Variants in PDE3B observed in about 807,000 individuals in gnomAD.
PDE3B encodes cGMP-inhibited 3',5'-cyclic phosphodiesterase 3B.
Under a neutral mutation model 116.8 loss-of-function variants are expected in PDE3B, and 66 were observed. The observed-to-expected ratio is 0.56, with a 90% CI of 0.46 to 0.69. PDE3B has a LOEUF of 0.69. Ranked by LOEUF, PDE3B falls within the 30% of genes least tolerant of loss-of-function variation. The pLI, the probability that PDE3B is intolerant of heterozygous loss-of-function variation, is 0.00. For missense variants in PDE3B, 1,384 were observed against 1,368.1 expected, an observed-to-expected ratio of 1.01 and a Z score of -0.18; for synonymous variants, 595 against 533.6, an observed-to-expected ratio of 1.12 and a Z score of -1.59.
At chr11:14,892,160 C>A in the PDE3B span, 1 of 1,610,730 alleles carries the variant, frequency 6.2e-7, no homozygotes, top group Non-Finnish European at 8.5e-7. Context: ...AAGAGCGCGC[C>A]GCCGAGCGCC....
At chr11:14,837,559 C>T (rs1299032443) in intron 11 of PDE3B, among the ~76,000 whole-genome samples, 1 of 152,186 alleles carries the variant, frequency 6.6e-6, no homozygotes, top group Non-Finnish European at 1.5e-5. Context: ...ACATGTTTCT[C>T]ATTTCCTTCT....
intron 1 of PDE3B, among the ~76,000 whole-genome samples, chr11:14,706,610 T>C (rs1363931193): frequency 6.6e-6 from 1 of 151,982 alleles, no homozygotes; most frequent in African/African-American, 2.4e-5. Context: ...TATTTTAATA[T>C]ATGTGTTACT....
chr11:14,892,378 G>T, the PDE3B span: 1 of 652,470 alleles, frequency 1.5e-6, no homozygotes, highest in South Asian at 1.9e-5. Context: ...CTAGTTTTGC[G>T]CGGCTGAGAG....
chr11:14,672,440 T>TC (rs1413699198), intron 1 of PDE3B, among the ~76,000 whole-genome samples: 1 of 152,054 alleles, frequency 6.6e-6, no homozygotes, highest in Non-Finnish European at 1.5e-5. Context: ...GAAGGGAAAA[T>TC]CACAATGTTT....
At chr11:14,726,400 T>A (rs1338380181) in intron 1 of PDE3B, among the ~76,000 whole-genome samples, 1 of 151,014 alleles carries the variant, frequency 6.6e-6, no homozygotes, top group Non-Finnish European at 1.5e-5. Flanking sequence ...TCCATAAACA[T>A]TTTTTTTTAG....
Position 14,644,663 on chromosome 11 carries a change from G to C in PDE3B, c.588G>C (p.Arg196Ser), listed in dbSNP as rs1278017955. 4 of 1,498,540 alleles carry C rather than the reference G, an allele frequency of 2.7e-6. No homozygotes were observed. In the East Asian group the frequency reaches 7.3e-5, roughly 27 times the overall value. The allele number at this position is 1,498,540 out of a possible 1,614,324, so 92.8% of individuals were successfully genotyped here. ...PHTPPEAAAG[R>S]LLLVLSCVGL... ...CGCCCCCGGAGGCGGCAGCGGGCAG[G>C]TTGCTGCTGGTGCTGAGCTGCGTAG... Residue 196 changes from arginine to serine, a missense_variant, in exon 1 of 16, where the codon AGG (arginine) becomes AGC (serine). By Grantham distance (110) the Arg-to-Ser change is moderately radical. Transcript: ENST00000282096.
chr11:14,705,316 A>G (rs1855496372), intron 1 of PDE3B, among the ~76,000 whole-genome samples: 1 of 151,852 alleles, frequency 6.6e-6, no homozygotes, highest in Non-Finnish European at 1.5e-5. Flanking sequence ...GTAGAAGGGA[A>G]TGAACTATGA....
chr11:14,721,710 T>C (rs1202077477), intron 1 of PDE3B, among the ~76,000 whole-genome samples: 1 of 78,944 alleles, frequency 1.3e-5, no homozygotes, highest in African/African-American at 5.5e-5. Context: ...CACTCATAGG[T>C]GGGAATTGAA....
intron 11 of PDE3B, among the ~76,000 whole-genome samples, chr11:14,835,398 A>G (rs533080577): frequency 6.6e-6 from 1 of 152,200 alleles, no homozygotes; most frequent in Admixed American, 6.5e-5. Context: ...TGAGGTAGCC[A>G]CTATCCCGAA....
chr11:14,687,104 G>A (rs1854901583), intron 1 of PDE3B, among the ~76,000 whole-genome samples: 3 of 152,080 alleles, frequency 2.0e-5, no homozygotes, highest in African/African-American at 7.2e-5. Flanking sequence ...TAAACTTGAC[G>A]AAAATGCCTT....
chr11:14,668,078 C>G (rs1043437133), intron 1 of PDE3B, among the ~76,000 whole-genome samples: 10 of 151,174 alleles, frequency 6.6e-5, no homozygotes, highest in Admixed American at 2.0e-4. Flanking sequence ...TCAGGGGGCT[C>G]AAGAGTTTAA....
At chr11:14,867,895 G>A in intron 15 of PDE3B, 137 bp downstream of exon 15, 1 of 664,564 alleles carries the variant, frequency 1.5e-6, no homozygotes, top group South Asian at 2.1e-5. Context: ...ATATTCATTG[G>A]GACACTTGGA....
At chr11:14,734,946 A>G (rs1006399886) in intron 1 of PDE3B, among the ~76,000 whole-genome samples, 2 of 152,168 alleles carry the variant, frequency 1.3e-5, no homozygotes, top group African/African-American at 2.4e-5. Context: ...TATCTTTTAT[A>G]GCTTTCATTT....
chr11:14,732,741 C>G (rs576187439), intron 1 of PDE3B, among the ~76,000 whole-genome samples: 2 of 152,256 alleles, frequency 1.3e-5, no homozygotes, highest in East Asian at 3.9e-4. Flanking sequence ...GCAGAACCCA[C>G]GTATACAAGT....
chr11:14,656,440 C>A (rs1432380132), intron 1 of PDE3B, among the ~76,000 whole-genome samples: 1 of 152,216 alleles, frequency 6.6e-6, no homozygotes, highest in South Asian at 2.1e-4. Flanking sequence ...TCCATGTTAA[C>A]CTTTAGTGAA....
chr11:14,845,751 G>C (rs928626618), intron 12 of PDE3B, among the ~76,000 whole-genome samples: 1 of 152,156 alleles, frequency 6.6e-6, no homozygotes, highest in Non-Finnish European at 1.5e-5. Context: ...GATGGAAGAT[G>C]AAACGAATGA....
chr11:14,775,241 T>C (rs1314350963), intron 2 of PDE3B: 1 of 152,212 alleles, frequency 6.6e-6, no homozygotes, highest in Non-Finnish European at 1.5e-5. Flanking sequence ...TGTTTTTCAT[T>C]GCTTTCTTAT....
chr11:14,756,207 A>G (rs1033877810), intron 1 of PDE3B, among the ~76,000 whole-genome samples: 12 of 152,204 alleles, frequency 7.9e-5, no homozygotes, highest in African/African-American at 2.4e-4. Flanking sequence ...ATGATAAAAA[A>G]GAAATATGAG....
chr11:14,656,670 A>T (rs1853723818), intron 1 of PDE3B, among the ~76,000 whole-genome samples: 1 of 152,206 alleles, frequency 6.6e-6, no homozygotes, highest in African/African-American at 2.4e-5. Flanking sequence ...GATGTGAAAT[A>T]GATGTGATAT....
Sources: allele counts gnomAD v4.1 joint callset (sites outside exome capture counted in the v4.1 genomes callset), GRCh38; gene constraint gnomAD v4.1.1; transcripts MANE v1.5; gene names NCBI Gene and HGNC (gene_info 2026-07-23, HGNC 2026-07-21).